Variants in ZMYM2 observed in about 807,000 individuals in gnomAD.
ZMYM2 encodes zinc finger MYM-type containing 2.
In ZMYM2, 56 loss-of-function variants were observed where a neutral mutation model predicts 162.8. The ratio of observed to expected loss-of-function variants is 0.34; its 90% CI spans 0.28 to 0.43. The LOEUF is 0.43. Ranked by LOEUF, ZMYM2 falls within the 20% of genes least tolerant of loss-of-function variation. The probability of loss-of-function intolerance (pLI) is 1.00; values close to 1 mark genes in which losing one functional copy is unlikely to be tolerated. For synonymous variants in ZMYM2, 510 were observed against 541.6 expected (o/e 0.94, Z 0.81); for missense variants, 1,275 against 1,621.8 (o/e 0.79, Z 3.67).
the ZMYM2 span, among the ~76,000 whole-genome samples, chr13:19,877,566 C>A: frequency 6.6e-6 from 1 of 152,216 alleles, no homozygotes; most frequent in Non-Finnish European, 1.5e-5. Flanking sequence ...AACACTACTA[C>A]ATTGGGGAAC....
chr13:20,020,133 G>A (rs368111144), intron 7 of ZMYM2, among the ~76,000 whole-genome samples: 3 of 151,750 alleles, frequency 2.0e-5, no homozygotes, highest in Non-Finnish European at 2.9e-5. Flanking sequence ...TCAATAGAGC[G>A]TATTCAAATT....
chr13:19,971,264 T>TATATATATATATAGATATA (rs1555278560), intron 2 of ZMYM2, among the ~76,000 whole-genome samples: 1 of 53,716 alleles, frequency 1.9e-5, no homozygotes. Flanking sequence ...ATATATATAT[T>TATATATATATATAGATATA]TTTTTTTTTT....
At chr13:20,020,841 T>G (rs1952020177) in intron 7 of ZMYM2, among the ~76,000 whole-genome samples, 1 of 152,168 alleles carries the variant, frequency 6.6e-6, no homozygotes, top group South Asian at 2.1e-4. Context: ...AGATGTTATG[T>G]TTTTCGTCTC....
At chr13:20,053,570 T>G (rs1955546560) in intron 14 of ZMYM2, among the ~76,000 whole-genome samples, 1 of 152,124 alleles carries the variant, frequency 6.6e-6, no homozygotes, top group East Asian at 1.9e-4. Flanking sequence ...GAGAATCGCT[T>G]GAACCCGGGA....
At chr13:19,931,368 A>G in the ZMYM2 span, among the ~76,000 whole-genome samples, 1 of 151,912 alleles carries the variant, frequency 6.6e-6, no homozygotes, top group Admixed American at 6.6e-5. Flanking sequence ...TTGGTTTTTG[A>G]GAGTTTATCT....
chr13:20,016,049 A>T (rs555222013), intron 6 of ZMYM2, among the ~76,000 whole-genome samples: 5 of 150,286 alleles, frequency 3.3e-5, no homozygotes, highest in Non-Finnish European at 7.4e-5. Context: ...CCATTTTTCT[A>T]TTTTTTTTCG....
At chr13:19,992,595 G>T (rs1432415875) in intron 2 of ZMYM2, among the ~76,000 whole-genome samples, 1 of 152,004 alleles carries the variant, frequency 6.6e-6, no homozygotes. Flanking sequence ...TAAGGGAAAG[G>T]ATTATAGCAT....
At chr13:19,867,289 G>GCCT in the ZMYM2 span, among the ~76,000 whole-genome samples, 1 of 151,682 alleles carries the variant, frequency 6.6e-6, no homozygotes, top group Non-Finnish European at 1.5e-5. Context: ...GGCGGAGGTT[G>GCCT]CCGTGAGCAG....
At chr13:19,888,735 G>C in the ZMYM2 span, among the ~76,000 whole-genome samples, 201 of 151,784 alleles carry the variant, frequency 1.3e-3, 6 homozygotes, top group African/African-American at 4.6e-3. Context: ...GAGTCGCTGG[G>C]ATTACAGGTG....
At chr13:19,947,904 C>T in the ZMYM2 span, among the ~76,000 whole-genome samples, 1 of 151,800 alleles carries the variant, frequency 6.6e-6, no homozygotes, top group South Asian at 2.1e-4. Flanking sequence ...CAGTTCTTTA[C>T]AGCATCTCTT....
chr13:19,908,607 G>A, the ZMYM2 span, among the ~76,000 whole-genome samples: 1 of 151,628 alleles, frequency 6.6e-6, no homozygotes, highest in Admixed American at 6.6e-5. Context: ...TTACCTAATA[G>A]TTGCTGATCA....
chr13:19,939,607 T>C, the ZMYM2 span, among the ~76,000 whole-genome samples: 1 of 152,320 alleles, frequency 6.6e-6, no homozygotes. Context: ...ATTTTTGTTT[T>C]AGGATACTTA....
At chr13:19,880,993 A>G in the ZMYM2 span, among the ~76,000 whole-genome samples, 2 of 151,600 alleles carry the variant, frequency 1.3e-5, no homozygotes, top group African/African-American at 4.8e-5. Context: ...GGTTCAAGCA[A>G]TTCTCCTGCC....
chr13:20,052,698 G>C (rs888125644), intron 14 of ZMYM2, among the ~76,000 whole-genome samples: 1 of 152,158 alleles, frequency 6.6e-6, no homozygotes, highest in South Asian at 2.1e-4. Flanking sequence ...TGAAAGATAC[G>C]AATAAGCTGA....
the ZMYM2 span, among the ~76,000 whole-genome samples, chr13:19,951,655 T>C: frequency 7.3e-5 from 11 of 150,724 alleles, no homozygotes. Context: ...TGAGCTGAGA[T>C]GGGGCCACTG....
chr13:19,981,034 G>C (rs1483519106), intron 2 of ZMYM2, among the ~76,000 whole-genome samples: 1 of 152,140 alleles, frequency 6.6e-6, no homozygotes, highest in African/African-American at 2.4e-5. Context: ...TGCTTTGAGA[G>C]GCTGAGGTGG....
At chr13:20,045,788 CT>C (rs1954721022) in intron 12 of ZMYM2, among the ~76,000 whole-genome samples, 1 of 152,034 alleles carries the variant, frequency 6.6e-6, no homozygotes, top group Non-Finnish European at 1.5e-5. Context: ...TGTTGTTTTA[CT>C]GTACAAATAT....
chr13:20,059,553 TC>T lies in ZMYM2; in HGVS notation c.2732del (p.Pro911LeufsTer27). 1 of 1,209,652 alleles carries T rather than the reference TC, an allele frequency of 8.3e-7. No individual in the cohort carries two copies. The highest frequency in any genetic ancestry group is 1.2e-6 in the Non-Finnish European group (1 of 811,298). 74.9% of individuals were successfully genotyped at this position (1,209,652 alleles called of 1,614,324 possible). A position where few individuals can be genotyped will look rare whatever the true frequency, so the allele number is the denominator to read the frequency against. On this transcript the variant is annotated frameshift_variant, in exon 16 of 25. Coordinates refer to ENST00000610343, the MANE Select transcript of ZMYM2 (RefSeq NM_197968.4). LOFTEE classifies it high-confidence loss of function. ...AGAATATTCCTGTTCCTACTACAGT[TC>T]CTGTTCCTGTAAGTCACATTTTAAG... ...SQNIPVPTTV[P>X]VPVPVPVFLP...
Position 20,003,087 on chromosome 13 carries a change from C to G in ZMYM2, c.1085C>G (p.Ser362Cys). ...TTTTGTTCTACCACCTGCCTTTCTT[C>G]CTTCTCCCACAAGCCTGCTCCAAAG... ...HLFCSTTCLSSFSHKPAPKKL... is the reference protein window; with the variant it reads ...HLFCSTTCLSCFSHKPAPKKL... Residue 362 changes from serine (S) to cysteine (C), a missense_variant, in exon 4 of 25, where the codon TCC (serine) becomes TGC (cysteine). Coordinates refer to ENST00000610343, the MANE Select transcript of ZMYM2 (RefSeq NM_197968.4). 1 of 1,614,210 alleles carries G rather than the reference C, an allele frequency of 6.2e-7. No individual in the cohort carries two copies. The highest frequency in any genetic ancestry group is 8.5e-7 in the Non-Finnish European group (1 of 1,180,036).
Sources: allele counts gnomAD v4.1 joint callset (sites outside exome capture counted in the v4.1 genomes callset), GRCh38; gene constraint gnomAD v4.1.1; transcripts MANE v1.5; gene names NCBI Gene and HGNC (gene_info 2026-07-23, HGNC 2026-07-21).